CEP152: variants seen among roughly 807,000 people sequenced by gnomAD.
The protein encoded by CEP152 is centrosomal protein of 152 kDa.
A neutral mutation model predicts 188.9 loss-of-function variants in CEP152; 132 were observed. The ratio of observed to expected loss-of-function variants is 0.70; its 90% CI spans 0.61 to 0.81. The LOEUF (loss-of-function observed/expected upper bound fraction) is 0.81. Among genes scored for constraint, CEP152 ranks in the 30% least tolerant of loss-of-function variants. CEP152 has a pLI of 0.00. For missense variants in CEP152, 1,914 were observed against 1,969.8 expected (o/e 0.97, Z 0.54); for synonymous variants, 649 against 666.6 (o/e 0.97, Z 0.41).
At chr15:48,806,533 T>C (rs1897997613) in intron 1 of CEP152, among the ~76,000 whole-genome samples, 1 of 152,228 alleles carries the variant, frequency 6.6e-6, no homozygotes, top group Admixed American at 6.5e-5. Flanking sequence ...CAGTCCACTG[T>C]TGTTCATGCC....
At chr15:48,751,925 C>T (rs1280427677) in intron 21 of CEP152, among the ~76,000 whole-genome samples, 1 of 152,128 alleles carries the variant, frequency 6.6e-6, no homozygotes, top group Non-Finnish European at 1.5e-5. Flanking sequence ...AAACACTGCC[C>T]AGGCCCTCAG....
intron 8 of CEP152, among the ~76,000 whole-genome samples, chr15:48,790,222 G>GTTC (rs1896911729): frequency 6.6e-6 from 1 of 152,214 alleles, no homozygotes; most frequent in African/African-American, 2.4e-5. Context: ...GCCAGGCAGG[G>GTTC]TTCTAAGCAC....
At chr15:48,806,558 G>A (rs74990820) in intron 1 of CEP152, among the ~76,000 whole-genome samples, 5,341 of 152,276 alleles carry the variant, frequency 0.035, 254 homozygotes, top group East Asian at 0.22. Flanking sequence ...AAACGCACTT[G>A]GATGTGAGCC....
chr15:48,775,207 A>C (rs1222225961), intron 12 of CEP152, among the ~76,000 whole-genome samples: 1 of 152,054 alleles, frequency 6.6e-6, no homozygotes, highest in Non-Finnish European at 1.5e-5. Context: ...GGAGAGAACA[A>C]AGACACAGAG....
chr15:48,749,671 G>C (rs1284776631), intron 21 of CEP152, among the ~76,000 whole-genome samples: 1 of 151,524 alleles, frequency 6.6e-6, no homozygotes, highest in Non-Finnish European at 1.5e-5. Flanking sequence ...AATGAGAAAA[G>C]TTCTGTTAAA....
intron 17 of CEP152, among the ~76,000 whole-genome samples, chr15:48,762,973 C>G (rs1417096209): frequency 2.7e-5 from 4 of 146,992 alleles, no homozygotes; most frequent in Non-Finnish European, 5.9e-5. Context: ...ATTGCCACTA[C>G]AAAGATGGCA....
chr15:48,769,791 A>G (rs1029804109), intron 13 of CEP152, among the ~76,000 whole-genome samples: 1 of 152,200 alleles, frequency 6.6e-6, no homozygotes, highest in African/African-American at 2.4e-5. Flanking sequence ...CATATATTTT[A>G]TTCAATACAT....
chr15:48,793,497 A>C, intron 6 of CEP152, 36 bp from the exon 7 acceptor site: 1 of 1,574,536 alleles, frequency 6.4e-7, no homozygotes, highest in Non-Finnish European at 8.7e-7. Context: ...ATAAAAACAT[A>C]CCAAAATATA....
At chr15:48,741,499 T>C (rs1892968897) in intron 26 of CEP152, 102 bp downstream of exon 26, 1 of 1,599,292 alleles carries the variant, frequency 6.3e-7, no homozygotes, top group African/African-American at 1.3e-5. Flanking sequence ...CTTCACAAAT[T>C]AACTCTCACT....
chr15:48,731,382 T>C (rs898461641), intron 2 of CEP152, among the ~76,000 whole-genome samples: 7 of 152,198 alleles, frequency 4.6e-5, no homozygotes, highest in African/African-American at 1.7e-4. Context: ...TATTGTATTA[T>C]AGTTGCTATT....
chr15:48,773,019 T>G (rs895523993), intron 12 of CEP152, among the ~76,000 whole-genome samples: 3 of 152,152 alleles, frequency 2.0e-5, no homozygotes, highest in African/African-American at 7.2e-5. Flanking sequence ...CCTTTATGAC[T>G]CTAACAGAAA....
chr15:48,746,519 T>C (rs1893442302), intron 22 of CEP152, among the ~76,000 whole-genome samples: 1 of 152,172 alleles, frequency 6.6e-6, no homozygotes, highest in Non-Finnish European at 1.5e-5. Context: ...GAATTGCAGT[T>C]GTTAAATTTT....
intron 17 of CEP152, chr15:48,765,799 G>A (rs999564166): frequency 7.9e-5 from 25 of 315,236 alleles, no homozygotes; most frequent in South Asian, 5.0e-4. Flanking sequence ...GACTACAGGC[G>A]CGCACAACCA....
chr15:48,810,349 G>A (rs539554090), intron 1 of CEP152: 1 of 152,326 alleles, frequency 6.6e-6, no homozygotes, highest in South Asian at 2.1e-4. Context: ...AGATTACAAA[G>A]TTTAACAGGA....
chr15:48,737,636 G>A (rs1007386916), downstream of CEP152, among the ~76,000 whole-genome samples: 1 of 152,108 alleles, frequency 6.6e-6, no homozygotes, highest in Non-Finnish European at 1.5e-5. Flanking sequence ...AATAATGCAA[G>A]TAAGAACTAA....
At chr15:48,781,993 A>C in intron 11 of CEP152, 146 bp downstream of exon 11, 1 of 716,556 alleles carries the variant, frequency 1.4e-6, no homozygotes, top group Non-Finnish European at 2.5e-6. Flanking sequence ...CAACTGTGTG[A>C]AGGAGATGGT....
chr15:48,778,756 C>G (rs554390983), intron 12 of CEP152, among the ~76,000 whole-genome samples: 6 of 152,022 alleles, frequency 3.9e-5, no homozygotes, highest in Non-Finnish European at 7.4e-5. Flanking sequence ...TCAAGACCAG[C>G]CTGACCAACA....
At chr15:48,768,844 T>C (rs183731873) in intron 14 of CEP152, 112 bp downstream of exon 14, 11 of 771,990 alleles carry the variant, frequency 1.4e-5, no homozygotes, top group East Asian at 8.2e-5. Flanking sequence ...CCTGCTAATA[T>C]ACTTGTCTAC....
intron 21 of CEP152, 64 bp downstream of exon 21, chr15:48,752,285 A>C (rs747423332): frequency 4.3e-6 from 7 of 1,613,428 alleles, no homozygotes; most frequent in Non-Finnish European, 5.9e-6. Flanking sequence ...TTTATCCTCA[A>C]AGCAACCCTT....
Sources: allele counts gnomAD v4.1 joint callset (sites outside exome capture counted in the v4.1 genomes callset), GRCh38; gene constraint gnomAD v4.1.1; transcripts MANE v1.5; gene names NCBI Gene and HGNC (gene_info 2026-07-23, HGNC 2026-07-21).